EXOC4: variants seen among roughly 807,000 people sequenced by gnomAD.
The protein encoded by EXOC4 is exocyst complex component 4, also known as SEC8-like 1.
A neutral mutation model predicts 107.2 loss-of-function variants in EXOC4; 71 were observed. That is an observed-to-expected ratio of 0.66 (90% confidence interval 0.55 to 0.81). EXOC4 has a LOEUF of 0.81. Ranked by LOEUF, EXOC4 falls within the 30% of genes least tolerant of loss-of-function variation. EXOC4 has a pLI of 0.00. For missense variants in EXOC4, 1,108 were observed against 1,189.6 expected (o/e 0.93, Z 1.01); for synonymous variants, 456 against 441.2 (o/e 1.03, Z -0.42).
intron 11 of EXOC4, among the ~76,000 whole-genome samples, chr7:133,877,458 C>T (rs560701448): frequency 6.6e-6 from 1 of 152,090 alleles, no homozygotes; most frequent in East Asian, 1.9e-4. Flanking sequence ...TCATGTCAAC[C>T]TTGCTTCTAG....
intron 10 of EXOC4, among the ~76,000 whole-genome samples, chr7:133,715,906 T>G (rs976524829): frequency 6.6e-6 from 1 of 152,136 alleles, no homozygotes; most frequent in Non-Finnish European, 1.5e-5. Flanking sequence ...GAAAGCATAT[T>G]TTTTTCATTG....
intron 7 of EXOC4, among the ~76,000 whole-genome samples, chr7:133,459,655 G>A (rs371415676): frequency 6.1e-4 from 93 of 152,232 alleles, no homozygotes; most frequent in African/African-American, 2.1e-3. Context: ...GGATCTTATC[G>A]GATCATATGC....
At chr7:133,257,364 A>G (rs996991376) in intron 1 of EXOC4, among the ~76,000 whole-genome samples, 5 of 136,414 alleles carry the variant, frequency 3.7e-5, no homozygotes, top group African/African-American at 1.2e-4. Flanking sequence ...GTTTACACAC[A>G]CGCACACACA....
chr7:133,526,693 C>T (rs1049099958), intron 9 of EXOC4, among the ~76,000 whole-genome samples: 5 of 152,174 alleles, frequency 3.3e-5, no homozygotes, highest in South Asian at 2.1e-4. Context: ...TAGATATAGC[C>T]GGGCGTAGTG....
intron 2 of EXOC4, among the ~76,000 whole-genome samples, chr7:133,283,916 T>C (rs1442893102): frequency 6.6e-6 from 1 of 152,216 alleles, no homozygotes; most frequent in Non-Finnish European, 1.5e-5. Flanking sequence ...TCTTCCTTTT[T>C]GTGGCTGACT....
At chr7:133,615,275 C>T (rs140909958) in intron 9 of EXOC4, among the ~76,000 whole-genome samples, 5 of 152,086 alleles carry the variant, frequency 3.3e-5, no homozygotes, top group Non-Finnish European at 5.9e-5. Flanking sequence ...CCTCCTCCTC[C>T]TCCCCCCTCA....
At chr7:133,543,692 T>A (rs1800425064) in intron 9 of EXOC4, among the ~76,000 whole-genome samples, 1 of 149,198 alleles carries the variant, frequency 6.7e-6, no homozygotes, top group Non-Finnish European at 1.5e-5. Context: ...GGTGTGAGAT[T>A]ATAAAACGAA....
At chr7:133,638,424 T>A (rs951757966) in intron 10 of EXOC4, among the ~76,000 whole-genome samples, 1 of 152,164 alleles carries the variant, frequency 6.6e-6, no homozygotes, top group African/African-American at 2.4e-5. Flanking sequence ...TTTCTTCCAA[T>A]CTTGCTCATT....
At chr7:133,973,119 C>T (rs1010079934) in intron 14 of EXOC4, among the ~76,000 whole-genome samples, 1 of 152,096 alleles carries the variant, frequency 6.6e-6, no homozygotes, top group Non-Finnish European at 1.5e-5. Context: ...CAGCTCTGTC[C>T]CTAGGCTACA....
At chr7:133,328,338 G>A (rs182561913) in intron 5 of EXOC4, among the ~76,000 whole-genome samples, 14 of 152,152 alleles carry the variant, frequency 9.2e-5, no homozygotes, top group Admixed American at 9.2e-4. Flanking sequence ...CGTGAGATGG[G>A]TTTCCTGAAT....
Position 133,803,975 on chromosome 7 carries a change from T to G in EXOC4, c.1515-13350T>G, listed in dbSNP as rs78522015. Reference sequence around the variant, plus strand: ...AGTTTGGTTTACTGTTAGTTCACTTTTGATGTGAATTTGATGTTACTCCAA... The same window carrying G: ...AGTTTGGTTTACTGTTAGTTCACTTGTGATGTGAATTTGATGTTACTCCAA... On this transcript the variant is annotated intron_variant, in intron 10 of 17. Coordinates refer to ENST00000253861, the MANE Select transcript of EXOC4 (RefSeq NM_021807.4). Among the ~76,000 whole-genome samples, 53 of 152,228 alleles carry G rather than the reference T, an allele frequency of 3.5e-4. 1 individual carries two copies. In the East Asian group the frequency reaches 0.01, roughly 29 times the overall value.
intron 9 of EXOC4, among the ~76,000 whole-genome samples, chr7:133,628,105 C>T (rs373701910): frequency 2.6e-5 from 4 of 152,200 alleles, no homozygotes; most frequent in South Asian, 2.1e-4. Context: ...CCAAATGTTG[C>T]GAGTGTAGAT....
At chr7:133,540,510 A>G (rs892074222) in intron 9 of EXOC4, among the ~76,000 whole-genome samples, 1 of 152,216 alleles carries the variant, frequency 6.6e-6, no homozygotes, top group African/African-American at 2.4e-5. Context: ...GTTCATTTTT[A>G]TAACCAATTG....
intron 9 of EXOC4, among the ~76,000 whole-genome samples, chr7:133,614,008 A>G (rs1376672975): frequency 1.3e-5 from 2 of 152,156 alleles, no homozygotes; most frequent in Non-Finnish European, 2.9e-5. Context: ...TTGGCCTAAA[A>G]AATGTCAAGT....
intron 7 of EXOC4, among the ~76,000 whole-genome samples, chr7:133,412,577 A>G (rs936393491): frequency 2.6e-4 from 39 of 151,914 alleles, no homozygotes; most frequent in African/African-American, 9.4e-4. Flanking sequence ...TGTGGTCCCA[A>G]TTATGCTGGA....
At chr7:133,608,468 G>A (rs1335939980) in intron 9 of EXOC4, among the ~76,000 whole-genome samples, 1 of 150,274 alleles carries the variant, frequency 6.7e-6, no homozygotes, top group African/African-American at 2.4e-5. Flanking sequence ...GTGTTTAGGA[G>A]TGCATTGTAC....
chr7:133,667,754 C>T (rs369289137), intron 10 of EXOC4, among the ~76,000 whole-genome samples: 4 of 152,140 alleles, frequency 2.6e-5, no homozygotes, highest in Admixed American at 6.5e-5. Context: ...CAGGAATTTT[C>T]GCTGTATTTC....
At chr7:134,017,549 C>T (rs1794938410) in intron 17 of EXOC4, among the ~76,000 whole-genome samples, 1 of 152,088 alleles carries the variant, frequency 6.6e-6, no homozygotes, top group Admixed American at 6.5e-5. Context: ...CTTCATTTGA[C>T]CTTGCTGTCC....
chr7:133,909,158 A>G (rs938305845), intron 12 of EXOC4, among the ~76,000 whole-genome samples: 1 of 152,168 alleles, frequency 6.6e-6, no homozygotes, highest in African/African-American at 2.4e-5. Context: ...TATGTCATTC[A>G]TTCCTTCAAT....
Sources: gnomAD v4.1 joint callset for allele counts (sites outside exome capture counted in the v4.1 genomes callset) on GRCh38, gnomAD v4.1.1 for gene constraint, MANE v1.5 for transcripts, NCBI Gene and HGNC (gene_info 2026-07-23, HGNC 2026-07-21) for gene names.